Variants in ZFP41 observed in about 807,000 individuals in gnomAD.
ZFP41 encodes ZFP41 zinc finger protein.
Under a neutral mutation model 11.6 loss-of-function variants are expected in ZFP41, and 10 were observed. The observed-to-expected ratio is 0.86, with a 90% CI of 0.53 to 1.47. The LOEUF is 1.47. Among genes scored for constraint, ZFP41 ranks in the 40% most tolerant of loss-of-function variants. The probability of loss-of-function intolerance (pLI) is 0.00; values close to 1 mark genes in which losing one functional copy is unlikely to be tolerated. For synonymous variants in ZFP41, 123 were observed against 100.9 expected, an observed-to-expected ratio of 1.22 and a Z score of -1.31; for missense variants, 302 against 264.6, an observed-to-expected ratio of 1.14 and a Z score of -0.98.
chr8:143,256,339 C>CGCCCCGCGTGCTGG (rs1416025462), intron 2 of ZFP41, among the ~76,000 whole-genome samples: 1 of 111,264 alleles, frequency 9.0e-6, no homozygotes, highest in Non-Finnish European at 1.8e-5. Context: ...GATCAGGGCT[C>CGCCCCGCGTGCTGG]ACCCCGCGTG....
intron 2 of ZFP41, among the ~76,000 whole-genome samples, chr8:143,251,837 C>A (rs980593972): frequency 5.3e-5 from 8 of 152,246 alleles, no homozygotes; most frequent in African/African-American, 1.9e-4. Flanking sequence ...GAAAGGGAGC[C>A]TTTCGGCAGG....
chr8:143,254,571 A>T (rs1814860897), intron 2 of ZFP41, among the ~76,000 whole-genome samples: 1 of 147,968 alleles, frequency 6.8e-6, no homozygotes, highest in South Asian at 2.1e-4. Flanking sequence ...ATTTGGTTTG[A>T]TTTTACTTAT....
chr8:143,249,955 G>GA lies in ZFP41; in HGVS notation c.113dup (p.Arg39GlufsTer17), dbSNP rs749076223. On this transcript the variant is annotated frameshift_variant, in exon 2 of 3. Coordinates refer to ENST00000330701, the MANE Select transcript of ZFP41 (RefSeq NM_173832.6). LOFTEE classifies it high-confidence loss of function. ...GGTGTCCGGGGACAGAAAGCCACCT[G>GA]AGAGGCCCACTGTGCCCAGGAAGCC... is the stretch of plus-strand genomic sequence containing the variant. 6.8e-5 allele frequency: 109 copies of GA among 1,613,948 alleles called. No individual in the cohort carries two copies. The highest frequency in any genetic ancestry group is 8.8e-5 in the Non-Finnish European group (104 of 1,179,994).
Position 143,260,588 on chromosome 8 carries a change from G to T in ZFP41, c.*1714G>T. 1 of 171,426 alleles carries T rather than the reference G, an allele frequency of 5.8e-6. No individual in the cohort carries two copies. Among genetic ancestry groups the T allele is most frequent in the Non-Finnish European group, 1.3e-5 (1 of 78,642 alleles). 10.6% of individuals were successfully genotyped at this position (171,426 alleles called of 1,614,324 possible). On this transcript the variant is annotated 3_prime_UTR_variant, in exon 3 of 3. Transcript: ENST00000330701. The stretch of plus-strand genomic sequence containing the variant: ...CATGGCGCACCCACACCAGCCCCGG[G>T]CTCCGCCTGGACAGCACCTCCTGGG...
chr8:143,252,190 C>G (rs1814781504), intron 2 of ZFP41, among the ~76,000 whole-genome samples: 1 of 152,246 alleles, frequency 6.6e-6, no homozygotes, highest in Admixed American at 6.5e-5. Context: ...TGCCTCTGGC[C>G]TGGTTAACTT....
chr8:143,256,895 A>T (rs58721331), intron 2 of ZFP41, among the ~76,000 whole-genome samples: 4,946 of 152,308 alleles, frequency 0.032, 283 homozygotes, highest in African/African-American at 0.11. Flanking sequence ...AGGCACAGAC[A>T]GATGAATTCC....
In ZFP41 at chr8:143,261,279, G is replaced by A. The variant is rs1001058873; in HGVS notation, c.*2405G>A. On this transcript the variant is annotated 3_prime_UTR_variant, in exon 3 of 3. Coordinates refer to ENST00000330701, the MANE Select transcript of ZFP41 (RefSeq NM_173832.6). ...ATGTGATCGTTTCTTTCCTGAGAAT[G>A]AGCTGAGGTAAAAACATGCTGGGGA... 5.9e-5 allele frequency: 9 copies of A among 152,452 alleles called. No homozygotes were observed. Among genetic ancestry groups the A allele is most frequent in the African/African-American group, 2.2e-4 (9 of 41,446 alleles). 9.4% of individuals were successfully genotyped at this position (152,452 alleles called of 1,614,324 possible).
intron 2 of ZFP41, among the ~76,000 whole-genome samples, chr8:143,258,482 GT>G: frequency 6.6e-6 from 1 of 152,314 alleles, no homozygotes; most frequent in South Asian, 2.1e-4. Context: ...CCCTGTCATG[GT>G]GTGAGCAAGA....
chr8:143,249,578 C>A (rs1240855007), intron 1 of ZFP41, 112 bp from the exon 2 acceptor site: 4 of 395,034 alleles, frequency 1.0e-5, no homozygotes, highest in Admixed American at 4.2e-5. Context: ...TCAGCAATGC[C>A]GTTTGAGACA....
In ZFP41 at chr8:143,250,938, G is replaced by T. The variant is rs560297688; in HGVS notation, c.*498G>T. On this transcript the variant is annotated 3_prime_UTR_variant, in exon 2 of 3. Coordinates refer to ENST00000330701, the MANE Select transcript of ZFP41 (RefSeq NM_173832.6). ...TCTGCCCTCTGGGTCCCCGAGCTCT[G>T]CAGCGAGCCCTGGGACCACTCATCC... The T allele has an allele frequency of 1.0e-3, 183 of 176,024 alleles. No homozygotes were observed. The highest frequency in any genetic ancestry group is 4.2e-3 in the African/African-American group (176 of 41,838). The allele number at this position is 176,024 out of a possible 1,614,324, so 10.9% of individuals were successfully genotyped here. A position where few individuals can be genotyped will look rare whatever the true frequency, so the allele number is the denominator to read the frequency against.
At chr8:143,258,031 C>T (rs1814952839) in intron 2 of ZFP41, among the ~76,000 whole-genome samples, 1 of 152,160 alleles carries the variant, frequency 6.6e-6, no homozygotes, top group Non-Finnish European at 1.5e-5. Flanking sequence ...AACAAAGGTA[C>T]TAAGCACTTG....
At position 143,262,474 on chromosome 8, in the gene ZFP41, C is replaced by G. The variant is rs1442911299; in HGVS notation, c.*3600C>G. 1 of 152,402 alleles carries G rather than the reference C, an allele frequency of 6.6e-6. No homozygotes were observed. Among genetic ancestry groups the G allele is most frequent in the Non-Finnish European group, 1.5e-5 (1 of 68,156 alleles). The allele number at this position is 152,402 out of a possible 1,614,324, so 9.4% of individuals were successfully genotyped here. A position where few individuals can be genotyped will look rare whatever the true frequency, so the allele number is the denominator to read the frequency against. ...TTAACTGTCCTGCCAGCCAAAGCTGCTGAGCATTACTCTGATAGACCATCA... is the reference window on the plus strand; with the variant it reads ...TTAACTGTCCTGCCAGCCAAAGCTGGTGAGCATTACTCTGATAGACCATCA... On this transcript the variant is annotated 3_prime_UTR_variant, in exon 3 of 3. Coordinates refer to ENST00000330701, the MANE Select transcript of ZFP41 (RefSeq NM_173832.6).
At chr8:143,252,127 G>A (rs1814779501) in intron 2 of ZFP41, among the ~76,000 whole-genome samples, 2 of 152,198 alleles carry the variant, frequency 1.3e-5, no homozygotes, top group African/African-American at 4.8e-5. Context: ...GCCTAGAACT[G>A]GAAAATAAAA....
Position 143,259,968 on chromosome 8 carries a change from A to AGTGC in ZFP41, c.*1096_*1099dup, listed in dbSNP as rs1815000837. On this transcript the variant is annotated 3_prime_UTR_variant, in exon 3 of 3. Transcript: ENST00000330701. ...TGTGCAGCAGGCTCCTGGCCCAGGG[A>AGTGC]GTGCGGTGTGCGGCAGAGTGCGTGC... 6.6e-6 allele frequency: 1 copy of AGTGC among 152,656 alleles called. No homozygotes were observed. Among genetic ancestry groups the AGTGC allele is most frequent in the African/African-American group, 2.4e-5 (1 of 41,460 alleles). 9.5% of individuals were successfully genotyped at this position (152,656 alleles called of 1,614,324 possible).
At chr8:143,247,987 T>C (rs1005028912) in intron 1 of ZFP41, among the ~76,000 whole-genome samples, 2 of 152,144 alleles carry the variant, frequency 1.3e-5, no homozygotes, top group African/African-American at 2.4e-5. Context: ...GCCCAGCTAA[T>C]TTTTTGTGTT....
Position 143,249,839 on chromosome 8 carries a change from G to A in ZFP41, c.-5G>A. The A allele has an allele frequency of 6.3e-7, 1 of 1,585,516 alleles. No homozygotes were observed. Among genetic ancestry groups the A allele is most frequent in the Non-Finnish European group, 8.5e-7 (1 of 1,169,614 alleles). ...TTAGCCCTCACGCTTCCAAGGAACAGAATGATGGAGAAGCCTGCAGGCAGA... is the reference window on the plus strand; with the variant it reads ...TTAGCCCTCACGCTTCCAAGGAACAAAATGATGGAGAAGCCTGCAGGCAGA... On this transcript the variant is annotated 5_prime_UTR_variant, in exon 2 of 3. Transcript: ENST00000330701.
chr8:143,256,587 C>T (rs1404167510), intron 2 of ZFP41, among the ~76,000 whole-genome samples: 1 of 152,178 alleles, frequency 6.6e-6, no homozygotes, highest in Non-Finnish European at 1.5e-5. Flanking sequence ...ACAAAAGATA[C>T]ATTTTTGGGG....
At chr8:143,256,473 A>G (rs1382260478) in intron 2 of ZFP41, among the ~76,000 whole-genome samples, 1 of 152,242 alleles carries the variant, frequency 6.6e-6, no homozygotes, top group African/African-American at 2.4e-5. Context: ...GAGATCAGAT[A>G]TTGGTTCACA....
Position 143,260,802 on chromosome 8 carries a change from T to C in ZFP41, c.*1928T>C. 1 of 178,396 alleles carries C rather than the reference T, an allele frequency of 5.6e-6. No homozygotes were observed. The highest frequency in any genetic ancestry group is 1.2e-5 in the Non-Finnish European group (1 of 83,856). The allele number at this position is 178,396 out of a possible 1,614,324, so 11.1% of individuals were successfully genotyped here. ...TCCTCCCAGCCCCACTCAGCTGCCC[T>C]GACCAGCGGGCACCATCCTCCCAGC... On this transcript the variant is annotated 3_prime_UTR_variant, in exon 3 of 3. Coordinates refer to ENST00000330701, the MANE Select transcript of ZFP41 (RefSeq NM_173832.6).
Sources: gnomAD v4.1 joint callset for allele counts (sites outside exome capture counted in the v4.1 genomes callset) on GRCh38, gnomAD v4.1.1 for gene constraint, MANE v1.5 for transcripts, NCBI Gene and HGNC (gene_info 2026-07-23, HGNC 2026-07-21) for gene names.